Variants in HTR2C observed in about 807,000 individuals in gnomAD.
HTR2C encodes 5-hydroxytryptamine (serotonin) receptor 2C, G protein-coupled.
Under a neutral mutation model 21.0 loss-of-function variants are expected in HTR2C, and 5 were observed. The ratio of observed to expected loss-of-function variants is 0.24; its 90% CI spans 0.12 to 0.50. HTR2C has a LOEUF of 0.50. Among genes scored for constraint, HTR2C ranks in the 20% least tolerant of loss-of-function variants. The pLI, the probability that HTR2C is intolerant of heterozygous loss-of-function variation, is 0.98. For synonymous variants in HTR2C, 150 were observed against 145.3 expected (o/e 1.03, Z -0.23); for missense variants, 271 against 371.2 (o/e 0.73, Z 2.22).
At chrX:114,851,218 A>G (rs1273266230) in intron 5 of HTR2C, among the ~76,000 whole-genome samples, 1 of 111,640 alleles carries the variant, frequency 9.0e-6, no homozygotes, top group East Asian at 2.8e-4. Context: ...CAATTAACAA[A>G]CCTGAACTCA....
At chrX:114,719,581 C>T (rs1447954353) in intron 2 of HTR2C, among the ~76,000 whole-genome samples, 2 of 111,577 alleles carry the variant, frequency 1.8e-5, no homozygotes, top group Non-Finnish European at 3.8e-5. Flanking sequence ...AGTGTTCATG[C>T]AAATTTTAAC....
chrX:114,792,364 C>T (rs1448456487), intron 4 of HTR2C, among the ~76,000 whole-genome samples: 2 of 111,066 alleles, frequency 1.8e-5, no homozygotes, highest in African/African-American at 6.5e-5. Context: ...TGAGTGAAAA[C>T]GAGGTGTTTG....
chrX:114,807,326 A>G (rs184140362), intron 4 of HTR2C, among the ~76,000 whole-genome samples: 1,209 of 59,944 alleles, frequency 0.02, 319 homozygotes, highest in African/African-American at 0.099. Context: ...TCTATACCAT[A>G]TATATACACC....
intron 4 of HTR2C, among the ~76,000 whole-genome samples, chrX:114,760,519 TA>T (rs1444692346): frequency 3.6e-5 from 4 of 111,216 alleles, no homozygotes; most frequent in Non-Finnish European, 7.5e-5. Context: ...CCACATCTTT[TA>T]TTTTTTTCTT....
At chrX:114,789,971 A>G (rs2070215780) in intron 4 of HTR2C, among the ~76,000 whole-genome samples, 1 of 112,238 alleles carries the variant, frequency 8.9e-6, no homozygotes, top group Admixed American at 9.5e-5. Context: ...TCAAGTTTTT[A>G]TATTTATGTG....
intron 2 of HTR2C, among the ~76,000 whole-genome samples, chrX:114,640,225 C>T (rs1338280964): frequency 9.0e-6 from 1 of 111,437 alleles, no homozygotes; most frequent in Non-Finnish European, 1.9e-5. Context: ...CTGATGATAA[C>T]GAATCCTCGA....
chrX:114,598,555 T>C (rs1927956541), intron 1 of HTR2C, among the ~76,000 whole-genome samples: 2 of 111,578 alleles, frequency 1.8e-5, no homozygotes, highest in Non-Finnish European at 3.8e-5. Flanking sequence ...AATTACTTGC[T>C]ATCAGCAAGC....
At chrX:114,689,208 G>GTATATATATATATA (rs58916694) in intron 2 of HTR2C, among the ~76,000 whole-genome samples, 2,552 of 72,452 alleles carry the variant, frequency 0.035, 86 homozygotes, top group Non-Finnish European at 0.038. Flanking sequence ...GTATGTATGC[G>GTATATATATATATA]TATATATATA....
intron 5 of HTR2C, among the ~76,000 whole-genome samples, chrX:114,882,676 G>A (rs886442586): frequency 1.9e-4 from 21 of 110,550 alleles, no homozygotes; most frequent in African/African-American, 6.9e-4. Context: ...GCATACCTAG[G>A]ACAAAGCCCA....
intron 4 of HTR2C, among the ~76,000 whole-genome samples, chrX:114,778,293 A>G (rs2147397632): frequency 8.9e-6 from 1 of 111,852 alleles, no homozygotes; most frequent in Non-Finnish European, 1.9e-5. Flanking sequence ...TCTCACCCAC[A>G]TTAGCAGGGA....
intron 2 of HTR2C, among the ~76,000 whole-genome samples, chrX:114,687,692 CAAAT>C (rs1385570947): frequency 2.7e-5 from 3 of 111,284 alleles, no homozygotes; most frequent in Admixed American, 9.6e-5. Flanking sequence ...GTTTTTTAAT[CAAAT>C]AAATAATGAG....
At chrX:114,811,389 G>A (rs183997929) in intron 4 of HTR2C, among the ~76,000 whole-genome samples, 5 of 107,719 alleles carry the variant, frequency 4.6e-5, no homozygotes, top group East Asian at 3.0e-4. Context: ...TAAAGTCTTC[G>A]TATAACAAAA....
At chrX:114,859,139 G>A (rs2070986725) in intron 5 of HTR2C, among the ~76,000 whole-genome samples, 2 of 110,500 alleles carry the variant, frequency 1.8e-5, no homozygotes, top group Admixed American at 9.7e-5. Context: ...TGGTATCCTT[G>A]TCTAGTTTTG....
In HTR2C at chrX:114,623,090, A is replaced by G. The variant is rs781788795; in HGVS notation, c.-80+9209A>G. ...GAGATATTAAATATGGTTATAAACTATCATGTATTGAGCATCTGCTCCATG... is the reference window on the plus strand; with the variant it reads ...GAGATATTAAATATGGTTATAAACTGTCATGTATTGAGCATCTGCTCCATG... On this transcript the variant is annotated intron_variant, in intron 2 of 5. Coordinates refer to ENST00000276198, the MANE Select transcript of HTR2C (RefSeq NM_000868.4). Among the ~76,000 whole-genome samples the G allele has an allele frequency of 1.1e-4, 12 of 112,222 alleles. No homozygotes were observed. In the South Asian group the frequency reaches 4.1e-3, roughly 38 times the overall value.
Position 114,762,038 on chromosome X carries a change from G to A in HTR2C, c.349+30431G>A, listed in dbSNP as rs782427097. 8.9e-5 allele frequency among the ~76,000 whole-genome samples: 8 copies of A among 89,533 alleles called. 2 individuals are homozygous for A. The highest frequency in any genetic ancestry group is 3.3e-4 in the African/African-American group (8 of 24,532). 77.7% of individuals were successfully genotyped at this position (89,533 alleles called of 115,157 possible). On this transcript the variant is annotated intron_variant, in intron 4 of 5. Transcript: ENST00000276198. ...ATATATACTATTTGTACACATATAT[G>A]TGTATATATACATGGTTTTCTAGAT... is the stretch of plus-strand genomic sequence containing the variant.
At chrX:114,598,654 A>G (rs985752015) in intron 1 of HTR2C, among the ~76,000 whole-genome samples, 22 of 111,198 alleles carry the variant, frequency 2.0e-4, no homozygotes, top group African/African-American at 7.2e-4. Flanking sequence ...TAGTCCAAAT[A>G]CCATATGACT....
chrX:114,591,135 G>C (rs1391329992), intron 1 of HTR2C, among the ~76,000 whole-genome samples: 4 of 110,754 alleles, frequency 3.6e-5, no homozygotes, highest in Non-Finnish European at 7.6e-5. Context: ...GTGGCTTGTG[G>C]GTAGATTGTT....
rs782495844 is a variant in HTR2C at position 114,737,735 on chromosome X, G to C, written c.349+6128G>C. On this transcript the variant is annotated intron_variant, in intron 4 of 5. Transcript: ENST00000276198. ...TAGATAATTTATCAGAGGAATCCAG[G>C]TTAACAAAATTGACCCCATGAGATG... is the stretch of plus-strand genomic sequence containing the variant. Among the ~76,000 whole-genome samples, 11 of 111,591 alleles carry C rather than the reference G, an allele frequency of 9.9e-5. No homozygotes were observed. In the South Asian group the frequency reaches 4.1e-3, roughly 42 times the overall value.
chrX:114,736,878 A>G (rs945217768), intron 4 of HTR2C, among the ~76,000 whole-genome samples: 6 of 112,010 alleles, frequency 5.4e-5, no homozygotes, highest in African/African-American at 1.9e-4. Flanking sequence ...TAAATTTTAA[A>G]CAGCTCTTGG....
Sources: allele counts gnomAD v4.1 joint callset (sites outside exome capture counted in the v4.1 genomes callset), GRCh38; gene constraint gnomAD v4.1.1; transcripts MANE v1.5; gene names NCBI Gene and HGNC (gene_info 2026-07-23, HGNC 2026-07-21).